Variants in ERBB4 observed in about 807,000 individuals in gnomAD.
The protein encoded by ERBB4 is erb-b2 receptor tyrosine kinase 4, also known as receptor tyrosine-protein kinase erbB-4.
A neutral mutation model predicts 158.0 loss-of-function variants in ERBB4; 42 were observed. The observed-to-expected ratio is 0.27, with a 90% confidence interval of 0.21 to 0.34. The LOEUF is 0.34. ERBB4 is among the 10% of genes least tolerant of loss of function. The probability of loss-of-function intolerance (pLI) is 1.00; values close to 1 mark genes in which losing one functional copy is unlikely to be tolerated. For missense variants in ERBB4, 1,333 were observed against 1,624.1 expected (o/e 0.82, Z 3.08); for synonymous variants, 583 against 558.7 (o/e 1.04, Z -0.61).
At chr2:212,270,944 A>C (rs952589382) in intron 1 of ERBB4, among the ~76,000 whole-genome samples, 1 of 151,740 alleles carries the variant, frequency 6.6e-6, no homozygotes, top group Non-Finnish European at 1.5e-5. Flanking sequence ...CATCCACACT[A>C]TGTCCTGCCC....
chr2:212,077,846 CA>C (rs2078318349), intron 2 of ERBB4, among the ~76,000 whole-genome samples: 1 of 152,080 alleles, frequency 6.6e-6, no homozygotes, highest in Non-Finnish European at 1.5e-5. Context: ...CATCTTTCCA[CA>C]ATTTCCATAC....
intron 1 of ERBB4, among the ~76,000 whole-genome samples, chr2:212,290,808 G>A (rs2086179357): frequency 6.6e-6 from 1 of 151,992 alleles, no homozygotes; most frequent in South Asian, 2.1e-4. Flanking sequence ...CATATACCAT[G>A]CAGTAGGCAT....
rs1356259265 is a variant in ERBB4 at position 212,457,393 on chromosome 2, C to T, written c.82+81056G>A. Among the ~76,000 whole-genome samples the T allele has an allele frequency of 2.0e-5, 3 of 152,088 alleles. No individual in the cohort carries two copies. In the East Asian group the frequency reaches 5.8e-4, roughly 29 times the overall value. ...ACTATCTTTCAGATATTTCCAACCCCTTCTTTACAGACTGTTCCAAATTTT... is the reference window on the plus strand; with the variant it reads ...ACTATCTTTCAGATATTTCCAACCCTTTCTTTACAGACTGTTCCAAATTTT... On this transcript the variant is annotated intron_variant, in intron 1 of 27. Coordinates refer to ENST00000342788, the MANE Select transcript of ERBB4 (RefSeq NM_005235.3).
chr2:212,001,577 T>C (rs2125280220), intron 2 of ERBB4, among the ~76,000 whole-genome samples: 1 of 152,328 alleles, frequency 6.6e-6, no homozygotes, highest in Non-Finnish European at 1.5e-5. Context: ...AGTGGAATCC[T>C]TAACAGCTCA....
chr2:212,013,593 C>G (rs2076441934), intron 2 of ERBB4, among the ~76,000 whole-genome samples: 1 of 152,068 alleles, frequency 6.6e-6, no homozygotes, highest in South Asian at 2.1e-4. Flanking sequence ...TTACTGTTCC[C>G]CTTATAAAAC....
intron 12 of ERBB4, among the ~76,000 whole-genome samples, chr2:211,690,667 A>G (rs2072776437): frequency 6.6e-6 from 1 of 152,186 alleles, no homozygotes; most frequent in African/African-American, 2.4e-5. Context: ...ATAGCATAGA[A>G]CAAAAGGCCA....
At chr2:211,957,799 A>G (rs2081073532) in intron 2 of ERBB4, among the ~76,000 whole-genome samples, 1 of 152,138 alleles carries the variant, frequency 6.6e-6, no homozygotes, top group Non-Finnish European at 1.5e-5. Flanking sequence ...ACACATCACC[A>G]AAGTTTAGAT....
intron 3 of ERBB4, among the ~76,000 whole-genome samples, chr2:211,806,569 A>T (rs775176763): frequency 3.9e-5 from 6 of 152,196 alleles, no homozygotes; most frequent in Non-Finnish European, 8.8e-5. Flanking sequence ...AACTAAAGAG[A>T]AGTATCACAA....
At chr2:212,119,463 T>C (rs1297802020) in intron 2 of ERBB4, among the ~76,000 whole-genome samples, 5 of 152,084 alleles carry the variant, frequency 3.3e-5, no homozygotes, top group Non-Finnish European at 7.4e-5. Context: ...TCCCAAGAAT[T>C]CTAATGAGGG....
At chr2:212,138,975 C>A (rs2080358712) in intron 1 of ERBB4, among the ~76,000 whole-genome samples, 1 of 152,024 alleles carries the variant, frequency 6.6e-6, no homozygotes, top group African/African-American at 2.4e-5. Context: ...ACTTCACACT[C>A]CTATGGGTAA....
At chr2:212,392,281 C>T (rs1019669269) in intron 1 of ERBB4, among the ~76,000 whole-genome samples, 2 of 151,582 alleles carry the variant, frequency 1.3e-5, no homozygotes, top group African/African-American at 4.8e-5. Context: ...TGGTCAGTGA[C>T]TCAAAAACAT....
chr2:211,760,931 C>T (rs905666480), intron 4 of ERBB4, among the ~76,000 whole-genome samples: 14 of 152,044 alleles, frequency 9.2e-5, no homozygotes, highest in South Asian at 2.1e-4. Context: ...ATGGGTCGGG[C>T]GTGGTGTCTC....
At chr2:211,562,518 A>T (rs903958672) in intron 19 of ERBB4, among the ~76,000 whole-genome samples, 1 of 152,180 alleles carries the variant, frequency 6.6e-6, no homozygotes, top group African/African-American at 2.4e-5. Flanking sequence ...CTTTGAAGTC[A>T]CCCATTATTG....
intron 19 of ERBB4, among the ~76,000 whole-genome samples, chr2:211,573,805 C>T (rs956424133): frequency 2.0e-5 from 3 of 152,156 alleles, no homozygotes; most frequent in African/African-American, 7.2e-5. Context: ...GTGCTAGAGA[C>T]ACTCAGTGCT....
intron 2 of ERBB4, among the ~76,000 whole-genome samples, chr2:212,047,568 G>A (rs1310522593): frequency 1.3e-5 from 2 of 151,906 alleles, no homozygotes; most frequent in African/African-American, 4.8e-5. Flanking sequence ...TGCCTCTTGG[G>A]TTCAAGCAAT....
At chr2:211,571,650 G>A (rs2067732826) in intron 19 of ERBB4, among the ~76,000 whole-genome samples, 1 of 151,950 alleles carries the variant, frequency 6.6e-6, no homozygotes, top group Non-Finnish European at 1.5e-5. Context: ...GAAATGTCTG[G>A]CATCTCTGTT....
chr2:211,860,389 C>A (rs1385443702), intron 3 of ERBB4, among the ~76,000 whole-genome samples: 1 of 152,068 alleles, frequency 6.6e-6, no homozygotes, highest in African/African-American at 2.4e-5. Flanking sequence ...TTAGCAAGCA[C>A]CAAGGAACTA....
chr2:212,244,941 A>G (rs779189719), intron 1 of ERBB4, among the ~76,000 whole-genome samples: 8 of 152,100 alleles, frequency 5.3e-5, no homozygotes, highest in Non-Finnish European at 8.8e-5. Flanking sequence ...CAACAACCCA[A>G]TGAAGTTGGG....
At chr2:212,486,907 C>CT (rs1458972691) in intron 1 of ERBB4, among the ~76,000 whole-genome samples, 1 of 152,040 alleles carries the variant, frequency 6.6e-6, no homozygotes, top group Non-Finnish European at 1.5e-5. Context: ...TTATAATTAG[C>CT]TTTTTAAGTT....
Sources: allele counts gnomAD v4.1 joint callset (sites outside exome capture counted in the v4.1 genomes callset), GRCh38; gene constraint gnomAD v4.1.1; transcripts MANE v1.5; gene names NCBI Gene and HGNC (gene_info 2026-07-23, HGNC 2026-07-21).